The following PUM1 variants were observed in gnomAD, a reference collection of about 807,000 sequenced individuals.
The protein encoded by PUM1 is pumilio homolog 1.
PUM1 carries 13 observed loss-of-function variants against 131.8 expected under a neutral mutation model. That is an observed-to-expected ratio of 0.10 (90% CI 0.06 to 0.16). The LOEUF (loss-of-function observed/expected upper bound fraction) is 0.16. PUM1 is among the 10% of genes least tolerant of loss of function. The pLI is 1.00. For missense variants in PUM1, 961 were observed against 1,512.4 expected (o/e 0.64, Z 6.05); for synonymous variants, 509 against 556.5 (o/e 0.91, Z 1.20).
chr1:30,992,359 G>A lies in PUM1; in HGVS notation c.1158+31C>T, dbSNP rs766610629. ...GAACAACGTGCTGGCTGGAGGGAGA[G>A]TAGAGAGGGTGACAGAGACACACAC... On this transcript the variant is annotated intron_variant, in intron 7 of 21. Coordinates refer to ENST00000426105, the MANE Select transcript of PUM1 (RefSeq NM_001020658.2). The A allele has an allele frequency of 5.0e-6, 8 of 1,601,186 alleles. No individual in the cohort carries two copies. The East Asian group carries it at 1.6e-4, about 31-fold the overall frequency.
At chr1:30,933,438 AT>A in intron 21 of PUM1, 96 bp from the exon 22 acceptor site, 2 of 794,562 alleles carry the variant, frequency 2.5e-6, no homozygotes, top group African/African-American at 2.2e-5. Flanking sequence ...TCACACACAC[AT>A]ACACACACAC....
intron 3 of PUM1, among the ~76,000 whole-genome samples, chr1:31,019,022 A>C (rs532833965): frequency 6.6e-6 from 1 of 152,360 alleles, no homozygotes; most frequent in African/African-American, 2.4e-5. Flanking sequence ...CAAAAAGAGC[A>C]ATCAAGTTGA....
chr1:30,952,683 C>CGG (rs1233416238), intron 15 of PUM1, among the ~76,000 whole-genome samples: 468 of 41,766 alleles, frequency 0.011, 5 homozygotes, highest in Middle Eastern at 0.028. Context: ...GCGGGGGGGG[C>CGG]GGGGGGGGGG....
chr1:30,971,644 T>C (rs1235812528), intron 10 of PUM1, among the ~76,000 whole-genome samples: 1 of 152,182 alleles, frequency 6.6e-6, no homozygotes, highest in African/African-American at 2.4e-5. Context: ...CTTAACAACT[T>C]TGTATTTGTG....
chr1:30,963,006 T>A (rs1455499115), intron 14 of PUM1, among the ~76,000 whole-genome samples: 4 of 152,194 alleles, frequency 2.6e-5, no homozygotes, highest in Non-Finnish European at 4.4e-5. Context: ...ATATCCTGAG[T>A]ACATCATGTA....
At chr1:30,999,102 G>A (rs948799163) in intron 5 of PUM1, among the ~76,000 whole-genome samples, 3 of 152,190 alleles carry the variant, frequency 2.0e-5, no homozygotes, top group Non-Finnish European at 2.9e-5. Flanking sequence ...TAGGGCTCAT[G>A]TGATCCTTCC....
intron 7 of PUM1, among the ~76,000 whole-genome samples, chr1:30,991,349 C>T (rs1340894544): frequency 6.6e-6 from 1 of 152,024 alleles, no homozygotes; most frequent in Admixed American, 6.6e-5. Flanking sequence ...TCACACAATC[C>T]CTTAAAGGTA....
At chr1:30,961,725 T>G (rs901851727) in intron 14 of PUM1, among the ~76,000 whole-genome samples, 2 of 151,526 alleles carry the variant, frequency 1.3e-5, no homozygotes, top group Non-Finnish European at 2.9e-5. Context: ...AAAGACAAGA[T>G]GGGGAAAAGA....
rs142150122 is a variant in PUM1 at position 30,946,078 on chromosome 1, C to T, written c.2857-595G>A. ...GGAATTACAGGCATGAGCCACCACACCCGGCCAACTCCTAGAGCTTAAAAA... is the reference window on the plus strand; with the variant it reads ...GGAATTACAGGCATGAGCCACCACATCCGGCCAACTCCTAGAGCTTAAAAA... On this transcript the variant is annotated intron_variant, in intron 17 of 21. Coordinates refer to ENST00000426105, the MANE Select transcript of PUM1 (RefSeq NM_001020658.2). Among the ~76,000 whole-genome samples, 734 of 152,156 alleles carry T rather than the reference C, an allele frequency of 4.8e-3. 5 individuals are homozygous for T. The highest frequency in any genetic ancestry group is 0.017 in the African/African-American group (694 of 41,488).
In PUM1 at chr1:30,982,818, T is replaced by C. The variant is rs574389624; in HGVS notation, c.1159-1413A>G. Among the ~76,000 whole-genome samples, 7 of 152,306 alleles carry C rather than the reference T, an allele frequency of 4.6e-5. 1 individual carries two copies. The highest frequency in any genetic ancestry group is 1.4e-4 in the African/African-American group (6 of 41,564). ...TAAAAGAAAACAAAAAGTGAATACTTTGAAGATATTGGCCAATTTCACCTG... is the reference window on the plus strand; with the variant it reads ...TAAAAGAAAACAAAAAGTGAATACTCTGAAGATATTGGCCAATTTCACCTG... On this transcript the variant is annotated intron_variant, in intron 7 of 21. Transcript: ENST00000426105.
chr1:31,051,489 G>A (rs906443966), intron 2 of PUM1, among the ~76,000 whole-genome samples: 6 of 152,082 alleles, frequency 3.9e-5, no homozygotes, highest in Non-Finnish European at 7.4e-5. Flanking sequence ...TTTTTGTAGA[G>A]ATGGGGTTTC....
chr1:30,994,426 C>T (rs1641913760), intron 6 of PUM1, among the ~76,000 whole-genome samples: 2 of 152,236 alleles, frequency 1.3e-5, no homozygotes, highest in Non-Finnish European at 2.9e-5. Context: ...GATAAATATA[C>T]ATTATTTTAA....
At chr1:31,059,758 A>C (rs1277883661) in intron 1 of PUM1, among the ~76,000 whole-genome samples, 181 bp from the exon 2 acceptor site, 1 of 152,134 alleles carries the variant, frequency 6.6e-6, no homozygotes, top group Non-Finnish European at 1.5e-5. Context: ...TATGTTGTTA[A>C]CCAACACATA....
intron 12 of PUM1, 52 bp downstream of exon 12, chr1:30,967,115 T>C (rs1408262100): frequency 6.2e-7 from 1 of 1,601,892 alleles, no homozygotes; most frequent in Non-Finnish European, 8.5e-7. Flanking sequence ...AATCTCACTA[T>C]CAGTCGCCAC....
At chr1:31,042,330 A>T (rs1643846312) in intron 2 of PUM1, among the ~76,000 whole-genome samples, 1 of 151,576 alleles carries the variant, frequency 6.6e-6, no homozygotes, top group Non-Finnish European at 1.5e-5. Context: ...AAATAAATAA[A>T]TAAATAAAAT....
At chr1:31,054,535 TAAAAAAAAAA>T (rs555867693) in intron 2 of PUM1, among the ~76,000 whole-genome samples, 1 of 83,398 alleles carries the variant, frequency 1.2e-5, no homozygotes, top group Non-Finnish European at 2.6e-5. Context: ...AAAGGGCCAC[TAAAAAAAAAA>T]AAAAAAAAAA....
At chr1:31,040,864 C>T (rs1031237719) in intron 2 of PUM1, among the ~76,000 whole-genome samples, 7 of 151,910 alleles carry the variant, frequency 4.6e-5, no homozygotes, top group Non-Finnish European at 1.0e-4. Flanking sequence ...GGAAAGAAAA[C>T]GCACACACAC....
At chr1:30,941,873 C>T (rs888874221) in intron 19 of PUM1, 125 bp downstream of exon 19, 1 of 1,082,070 alleles carries the variant, frequency 9.2e-7, no homozygotes, top group Admixed American at 1.9e-5. Flanking sequence ...CAAATACAAC[C>T]ACAAGATTCA....
chr1:31,038,984 A>ATATATTTTTTT, intron 2 of PUM1, among the ~76,000 whole-genome samples: 5 of 49,412 alleles, frequency 1.0e-4, no homozygotes, highest in African/African-American at 4.1e-4. Context: ...ATATATATAT[A>ATATATTTTTTT]TTTTTTTTTT....
Sources: gnomAD v4.1 joint callset for allele counts (sites outside exome capture counted in the v4.1 genomes callset) on GRCh38, gnomAD v4.1.1 for gene constraint, MANE v1.5 for transcripts, NCBI Gene and HGNC (gene_info 2026-07-23, HGNC 2026-07-21) for gene names.